GALNT14: variants seen among roughly 807,000 people sequenced by gnomAD.
GALNT14 encodes the protein polypeptide N-acetylgalactosaminyltransferase 14.
In GALNT14, 60 loss-of-function variants were observed where a neutral mutation model predicts 77.5. The observed-to-expected ratio is 0.77, with a 90% CI of 0.63 to 0.96. The LOEUF is 0.96. Among genes scored for constraint, GALNT14 ranks in the 40% least tolerant of loss-of-function variants. The pLI, the probability that GALNT14 is intolerant of heterozygous loss-of-function variation, is 0.00. For missense variants in GALNT14, 710 were observed against 731.0 expected, an observed-to-expected ratio of 0.97 and a Z score of 0.33; for synonymous variants, 280 against 281.7, an observed-to-expected ratio of 0.99 and a Z score of 0.06.
downstream of GALNT14, among the ~76,000 whole-genome samples, chr2:30,910,287 G>A (rs1202460437): frequency 6.6e-6 from 1 of 152,066 alleles, no homozygotes; most frequent in Admixed American, 6.5e-5. Flanking sequence ...GGTCAAAGAA[G>A]TTACATGTCA....
At chr2:31,125,099 T>A (rs1174099479) in intron 1 of GALNT14, 1 of 1,300,422 alleles carries the variant, frequency 7.7e-7, no homozygotes, top group African/African-American at 1.5e-5. Flanking sequence ...CAGGGCCTGC[T>A]TGGGCAGAAA....
chr2:31,065,901 A>G (rs1388982915), intron 1 of GALNT14, among the ~76,000 whole-genome samples: 1 of 152,102 alleles, frequency 6.6e-6, no homozygotes, highest in Admixed American at 6.5e-5. Flanking sequence ...TCCCCCAGAG[A>G]CCATCCAAAA....
At chr2:31,008,706 T>C (rs1670831499) in intron 1 of GALNT14, among the ~76,000 whole-genome samples, 1 of 152,208 alleles carries the variant, frequency 6.6e-6, no homozygotes, top group African/African-American at 2.4e-5. Flanking sequence ...AGTAGGTCAT[T>C]AGTGGTAAAG....
chr2:31,046,082 T>C (rs1673435426), intron 1 of GALNT14, among the ~76,000 whole-genome samples: 1 of 152,114 alleles, frequency 6.6e-6, no homozygotes. Context: ...TCACACTCAG[T>C]CCTCACAGGA....
At chr2:30,924,073 C>T in intron 13 of GALNT14, 46 bp downstream of exon 13, 4 of 1,611,280 alleles carry the variant, frequency 2.5e-6, no homozygotes, top group Non-Finnish European at 2.5e-6. Flanking sequence ...TGGCTGCCTC[C>T]CTCTACTGTG....
chr2:31,081,247 G>A (rs572858458), intron 1 of GALNT14, among the ~76,000 whole-genome samples: 3 of 152,246 alleles, frequency 2.0e-5, no homozygotes, highest in East Asian at 1.9e-4. Context: ...ACCAATAGCC[G>A]GCAGAAGTCA....
intron 2 of GALNT14, among the ~76,000 whole-genome samples, chr2:30,974,214 C>T (rs562802722): frequency 6.6e-6 from 1 of 152,294 alleles, no homozygotes; most frequent in African/African-American, 2.4e-5. Flanking sequence ...CTCTTTCTGC[C>T]CCAGACCCAA....
rs1355915385 is a variant in GALNT14, at chr2:30,992,996, A to G, written c.141T>C (p.Ala47=). 1 of 1,614,112 alleles carries G rather than the reference A, an allele frequency of 6.2e-7. No individual in the cohort carries two copies. Among genetic ancestry groups the G allele is most frequent in the Admixed American group, 1.7e-5 (1 of 60,018 alleles). ...ACTGGTCCCACAGGTCGTCCCAGTC[A>G]GCGTCCGAAGGCTGCGTGACACGAA... ...PEVQTPKPSD[A]DWDDLWDQFD... The change falls in exon 2 of 15, where the codon GCT becomes GCC. Residue 47 remains alanine, a synonymous_variant. Transcript: ENST00000349752.
intron 1 of GALNT14, among the ~76,000 whole-genome samples, chr2:31,074,198 A>T (rs542057257): frequency 6.6e-6 from 1 of 151,482 alleles, no homozygotes; most frequent in East Asian, 1.9e-4. Context: ...AGCACACAGC[A>T]CCAAGCAAAG....
At chr2:31,007,236 T>C (rs965898851) in intron 1 of GALNT14, among the ~76,000 whole-genome samples, 1 of 152,224 alleles carries the variant, frequency 6.6e-6, no homozygotes, top group African/African-American at 2.4e-5. Context: ...CAAGTGAACA[T>C]GGCAGTGGGC....
At chr2:31,114,045 C>T (rs1189378856) in intron 1 of GALNT14, among the ~76,000 whole-genome samples, 1 of 152,140 alleles carries the variant, frequency 6.6e-6, no homozygotes, top group African/African-American at 2.4e-5. Context: ...GCCTAAGCCT[C>T]TAATAAACTC....
intron 1 of GALNT14, among the ~76,000 whole-genome samples, chr2:31,017,916 G>A (rs1671474791): frequency 6.6e-6 from 1 of 152,246 alleles, no homozygotes; most frequent in Non-Finnish European, 1.5e-5. Context: ...ACAAGGGTGA[G>A]ATGTCTGTGT....
At chr2:30,946,851 C>T (rs1225159579) in intron 6 of GALNT14, among the ~76,000 whole-genome samples, 2 of 152,088 alleles carry the variant, frequency 1.3e-5, no homozygotes, top group Admixed American at 6.6e-5. Flanking sequence ...TGTACCAGGC[C>T]CCGACTTCCC....
At chr2:30,952,500 T>C (rs1667087416) in intron 6 of GALNT14, among the ~76,000 whole-genome samples, 1 of 149,874 alleles carries the variant, frequency 6.7e-6, no homozygotes, top group African/African-American at 2.5e-5. Flanking sequence ...CTCAGTAAAC[T>C]ATTGCAAGAA....
At chr2:30,910,102 C>G (rs550265697), downstream of GALNT14, among the ~76,000 whole-genome samples, 1 of 150,856 alleles carries the variant, frequency 6.6e-6, no homozygotes, top group Non-Finnish European at 1.5e-5. Context: ...GGAGATATAC[C>G]TAATGCTAGA....
chr2:31,023,672 G>T (rs1258541922), intron 1 of GALNT14, among the ~76,000 whole-genome samples: 1 of 151,990 alleles, frequency 6.6e-6, no homozygotes, highest in Admixed American at 6.6e-5. Flanking sequence ...CGGCATTCCT[G>T]ACTCTCACCC....
At chr2:30,956,571 A>G (rs1047314445) in intron 4 of GALNT14, among the ~76,000 whole-genome samples, 2 of 152,280 alleles carry the variant, frequency 1.3e-5, no homozygotes, top group African/African-American at 2.4e-5. Flanking sequence ...CAGTGGCGCA[A>G]TCTCTGCTCA....
At chr2:31,044,664 TCC>T (rs35040854) in intron 1 of GALNT14, among the ~76,000 whole-genome samples, 63,324 of 151,772 alleles carry the variant, frequency 0.42, 13,409 homozygotes, top group East Asian at 0.53. Context: ...ATGCCTATAA[TCC>T]CAGCGCTTTG....
chr2:31,111,458 C>T (rs1677829348), intron 1 of GALNT14, among the ~76,000 whole-genome samples: 1 of 152,218 alleles, frequency 6.6e-6, no homozygotes, highest in South Asian at 2.1e-4. Flanking sequence ...AAGGCAGAGG[C>T]AGGGAGGACT....
Sources: allele counts gnomAD v4.1 joint callset (sites outside exome capture counted in the v4.1 genomes callset), GRCh38; gene constraint gnomAD v4.1.1; transcripts MANE v1.5; gene names NCBI Gene and HGNC (gene_info 2026-07-23, HGNC 2026-07-21).